SLC25A21: variants seen among roughly 807,000 people sequenced by gnomAD.
SLC25A21 encodes the protein solute carrier family 25 member 21, also known as mitochondrial 2-oxodicarboxylate carrier.
A neutral mutation model predicts 43.8 loss-of-function variants in SLC25A21; 47 were observed. The ratio of observed to expected loss-of-function variants is 1.07; its 90% CI spans 0.85 to 1.37. The LOEUF (loss-of-function observed/expected upper bound fraction) is 1.37, where lower values mean the gene tolerates loss of function less well. SLC25A21 is among the 40% of genes most tolerant of loss of function. The pLI is 0.00. For synonymous variants in SLC25A21, 131 were observed against 121.3 expected (o/e 1.08, Z -0.52); for missense variants, 352 against 350.2 (o/e 1.00, Z -0.04).
rs373281426 is a variant in SLC25A21 at position 36,734,495 on chromosome 14, T to C, written c.270+12A>G. ...CCTACTTTTGCTTGGTGCGAACGCA[T>C]GCAATGCTTACCTTCACTGCTCTTT... On this transcript the variant is annotated intron_variant, in intron 4 of 9. Transcript: ENST00000331299. The C allele has an allele frequency of 7.5e-6, 12 of 1,602,988 alleles. No individual in the cohort carries two copies. In the Middle Eastern group the frequency reaches 8.3e-4, roughly 110 times the overall value.
intron 1 of SLC25A21, among the ~76,000 whole-genome samples, chr14:37,109,831 T>C (rs1344040017): frequency 1.3e-5 from 2 of 152,148 alleles, no homozygotes; most frequent in Admixed American, 6.6e-5. Flanking sequence ...TTCTTTTCTA[T>C]AGATAACCTG....
chr14:36,888,585 T>C (rs776896551), intron 1 of SLC25A21, among the ~76,000 whole-genome samples: 23 of 152,208 alleles, frequency 1.5e-4, no homozygotes, highest in Non-Finnish European at 2.9e-4. Context: ...ATGTAATGTG[T>C]CCATGTGTGT....
chr14:37,108,464 T>C (rs1246786242), intron 1 of SLC25A21, among the ~76,000 whole-genome samples: 6 of 152,198 alleles, frequency 3.9e-5, no homozygotes, highest in Non-Finnish European at 5.9e-5. Flanking sequence ...ACATCCACTT[T>C]ACGGTTGACT....
At chr14:36,764,147 A>AGAAAGAAAGAAG (rs1886296127) in intron 3 of SLC25A21, among the ~76,000 whole-genome samples, 1 of 57,512 alleles carries the variant, frequency 1.7e-5, no homozygotes. Context: ...AAAGAAGGAA[A>AGAAAGAAAGAAG]GAAAGAAAGA....
At position 36,922,331 on chromosome 14, in the gene SLC25A21, A is replaced by T. The variant is rs139703900; in HGVS notation, c.71-47327T>A. On this transcript the variant is annotated intron_variant, in intron 1 of 9. Transcript: ENST00000331299. ...CTGTTTTCCCTAAGTTATCTCTATG[A>T]TCGTTCCTGCATTCCAATTAGAAAT... 5.7e-3 allele frequency among the ~76,000 whole-genome samples: 867 copies of T among 152,166 alleles called. 15 individuals carry two copies. Among genetic ancestry groups the T allele is most frequent in the Non-Finnish European group, 4.9e-3 (335 of 68,018 alleles).
intron 1 of SLC25A21, among the ~76,000 whole-genome samples, chr14:36,915,627 C>T (rs1891809799): frequency 6.6e-6 from 1 of 152,086 alleles, no homozygotes; most frequent in African/African-American, 2.4e-5. Flanking sequence ...CATGTGCCTT[C>T]CCCCAGTGGA....
intron 1 of SLC25A21, among the ~76,000 whole-genome samples, chr14:36,955,784 A>G (rs1175982570): frequency 2.0e-5 from 3 of 152,050 alleles, no homozygotes; most frequent in Admixed American, 1.3e-4. Flanking sequence ...TTGTGGAATG[A>G]TATCTGTGAA....
At chr14:36,731,231 C>T (rs901462165) in intron 4 of SLC25A21, among the ~76,000 whole-genome samples, 1 of 152,156 alleles carries the variant, frequency 6.6e-6, no homozygotes, top group Non-Finnish European at 1.5e-5. Flanking sequence ...CCTCGGCCTC[C>T]CAAAGTACTG....
At chr14:36,727,647 C>T (rs1315640469) in intron 5 of SLC25A21, among the ~76,000 whole-genome samples, 1 of 151,762 alleles carries the variant, frequency 6.6e-6, no homozygotes, top group Non-Finnish European at 1.5e-5. Flanking sequence ...GAGATCATGC[C>T]ACTGCACTCC....
chr14:37,027,203 C>A (rs1453804761), intron 1 of SLC25A21, among the ~76,000 whole-genome samples: 2 of 152,136 alleles, frequency 1.3e-5, no homozygotes, highest in Non-Finnish European at 2.9e-5. Context: ...TGAGAACATA[C>A]TATAGCATGT....
At chr14:36,813,629 G>C (rs1888350098) in intron 3 of SLC25A21, among the ~76,000 whole-genome samples, 1 of 152,148 alleles carries the variant, frequency 6.6e-6, no homozygotes, top group South Asian at 2.1e-4. Context: ...CCAAAATAAA[G>C]AACTATTGAG....
intron 1 of SLC25A21, among the ~76,000 whole-genome samples, chr14:36,880,078 G>GA (rs1257826946): frequency 2.0e-5 from 3 of 152,050 alleles, no homozygotes; most frequent in Non-Finnish European, 4.4e-5. Context: ...TGGCCACTCA[G>GA]AAAAAATATT....
intron 2 of SLC25A21, among the ~76,000 whole-genome samples, chr14:36,841,934 C>T (rs1889398128): frequency 6.6e-6 from 1 of 152,220 alleles, no homozygotes; most frequent in South Asian, 2.1e-4. Context: ...TTTACCAAAA[C>T]TAAATCTAAA....
chr14:36,711,007 T>G (rs1246556057), intron 7 of SLC25A21, among the ~76,000 whole-genome samples: 1 of 152,176 alleles, frequency 6.6e-6, no homozygotes, highest in South Asian at 2.1e-4. Flanking sequence ...GAAATTCCTT[T>G]TAGTAATAAA....
At chr14:36,868,706 A>C (rs1890283265) in intron 2 of SLC25A21, among the ~76,000 whole-genome samples, 1 of 152,218 alleles carries the variant, frequency 6.6e-6, no homozygotes, top group Non-Finnish European at 1.5e-5. Flanking sequence ...ACAGTATGTC[A>C]GTCCCCATTC....
intron 1 of SLC25A21, among the ~76,000 whole-genome samples, chr14:37,069,877 C>G (rs771222211): frequency 1.3e-5 from 2 of 152,178 alleles, no homozygotes; most frequent in Non-Finnish European, 2.9e-5. Flanking sequence ...AAAGGCTTGA[C>G]ACAAGCAACA....
In SLC25A21 at chr14:37,172,377, T is replaced by A; in HGVS notation, c.-27A>T. On this transcript the variant is annotated 5_prime_UTR_variant, in exon 1 of 10. Transcript: ENST00000331299. ...TTCGCCAGGCGGGAGGACAAGGGAG[T>A]GGGCTGAGATGCGTCAACGAGCTCG... 6.3e-7 allele frequency: 1 copy of A among 1,578,710 alleles called. No homozygotes were observed.
intron 2 of SLC25A21, among the ~76,000 whole-genome samples, chr14:36,871,969 A>G (rs1228058889): frequency 4.6e-5 from 7 of 152,212 alleles, no homozygotes; most frequent in Non-Finnish European, 7.3e-5. Context: ...TAAAATTTCA[A>G]TCAGCAGGGA....
chr14:37,141,606 T>C (rs1963571462), intron 1 of SLC25A21, among the ~76,000 whole-genome samples: 1 of 152,246 alleles, frequency 6.6e-6, no homozygotes, highest in African/African-American at 2.4e-5. Context: ...CCGGCTATTT[T>C]ATCATTTTCC....
Sources: allele counts gnomAD v4.1 joint callset (sites outside exome capture counted in the v4.1 genomes callset), GRCh38; gene constraint gnomAD v4.1.1; transcripts MANE v1.5; gene names NCBI Gene and HGNC (gene_info 2026-07-23, HGNC 2026-07-21).